The following NOL10 variants were observed in gnomAD, a reference collection of about 807,000 sequenced individuals.
NOL10 encodes H_NH0074G24.1.
A neutral mutation model predicts 103.5 loss-of-function variants in NOL10; 58 were observed. The ratio of observed to expected loss-of-function variants is 0.56; its 90% CI spans 0.45 to 0.70. The LOEUF (loss-of-function observed/expected upper bound fraction) is 0.70, where lower values mean the gene tolerates loss of function less well. NOL10 is among the 30% of genes least tolerant of loss of function. NOL10 has a pLI of 0.00. For synonymous variants in NOL10, 287 were observed against 282.5 expected, an observed-to-expected ratio of 1.02 and a Z score of -0.16; for missense variants, 763 against 807.3, an observed-to-expected ratio of 0.95 and a Z score of 0.67.
At chr2:10,645,946 C>CAT (rs765782650) in intron 12 of NOL10, among the ~76,000 whole-genome samples, 9 of 138,612 alleles carry the variant, frequency 6.5e-5, no homozygotes, top group Middle Eastern at 3.5e-3. Context: ...CACACACATA[C>CAT]ACACACACAC....
chr2:10,637,188 C>CAAAAAAAAAAAAAAAAA, intron 13 of NOL10, among the ~76,000 whole-genome samples: 1 of 44,532 alleles, frequency 2.2e-5, no homozygotes, highest in Non-Finnish European at 4.0e-5. Flanking sequence ...GACACTGTCT[C>CAAAAAAAAAAAAAAAAA]AAAAAAAAAA....
chr2:10,655,059 A>C (rs1039514158), intron 11 of NOL10, among the ~76,000 whole-genome samples: 5 of 151,968 alleles, frequency 3.3e-5, no homozygotes, highest in African/African-American at 1.2e-4. Flanking sequence ...AAAACACAAA[A>C]ATTAGCCGGG....
intron 8 of NOL10, among the ~76,000 whole-genome samples, chr2:10,666,492 C>T (rs537977046): frequency 1.9e-4 from 29 of 152,224 alleles, no homozygotes; most frequent in Admixed American, 5.9e-4. Context: ...CCACACCCGG[C>T]TAATTTTTGT....
Position 10,671,467 on chromosome 2 carries a change from T to C in NOL10, c.464+87A>G, listed in dbSNP as rs1019862924. On this transcript the variant is annotated intron_variant, in intron 6 of 20. Coordinates refer to ENST00000381685, the MANE Select transcript of NOL10 (RefSeq NM_024894.4). Reference sequence around the variant, plus strand: ...CACTTTTTTATTAAAGCAAGTTACCTAAACAGAGAAAATGTACACGAAATT... The same window carrying C: ...CACTTTTTTATTAAAGCAAGTTACCCAAACAGAGAAAATGTACACGAAATT... 26 of 1,080,572 alleles carry C rather than the reference T, an allele frequency of 2.4e-5. No individual in the cohort carries two copies. The East Asian group carries it at 2.8e-4, about 12-fold the overall frequency. The allele number at this position is 1,080,572 out of a possible 1,614,324, so 66.9% of individuals were successfully genotyped here.
At chr2:10,616,217 ATTTTTTTTTTTT>A (rs533351651) in intron 13 of NOL10, among the ~76,000 whole-genome samples, 4 of 95,614 alleles carry the variant, frequency 4.2e-5, no homozygotes, top group Admixed American at 1.1e-4. Flanking sequence ...ACCACCCTGC[ATTTTTTTTTTTT>A]TTTTTTTTTT....
chr2:10,579,647 C>G (rs1034216047), intron 19 of NOL10, among the ~76,000 whole-genome samples: 1 of 151,754 alleles, frequency 6.6e-6, no homozygotes, highest in Non-Finnish European at 1.5e-5. Flanking sequence ...CAGCAAATCC[C>G]TCAACCTGTT....
chr2:10,680,919 G>T (rs914329163), intron 3 of NOL10, among the ~76,000 whole-genome samples: 5 of 152,152 alleles, frequency 3.3e-5, no homozygotes, highest in African/African-American at 1.2e-4. Flanking sequence ...TACTGTTAAT[G>T]TAAAATCTTA....
chr2:10,608,189 T>C (rs1175474330), intron 13 of NOL10, among the ~76,000 whole-genome samples: 4 of 152,198 alleles, frequency 2.6e-5, no homozygotes, highest in African/African-American at 9.6e-5. Context: ...AAATAATTAG[T>C]TGATTTTTTA....
chr2:10,673,195 A>C (rs1325927058), intron 5 of NOL10: 1 of 204,520 alleles, frequency 4.9e-6, no homozygotes, highest in Admixed American at 5.9e-5. Flanking sequence ...GGTTAAACGT[A>C]ATAATCAGAA....
intron 3 of NOL10, among the ~76,000 whole-genome samples, chr2:10,678,948 G>C (rs1439903456): frequency 6.6e-6 from 1 of 152,172 alleles, no homozygotes; most frequent in Non-Finnish European, 1.5e-5. Context: ...GATTCCAGCT[G>C]GGTGCCGTGG....
Position 10,679,717 on chromosome 2 carries a change from A to G in NOL10, c.211+2254T>C, listed in dbSNP as rs57464659. ...CCTGGCTTACTGCAACCTCCGCCAC[A>G]TGGGTTCAAGCGATTCTCATGCCTC... On this transcript the variant is annotated intron_variant, in intron 3 of 20. Transcript: ENST00000381685. Among the ~76,000 whole-genome samples, 8 of 151,950 alleles carry G rather than the reference A, an allele frequency of 5.3e-5. No individual in the cohort carries two copies. The East Asian group carries it at 7.8e-4, about 15-fold the overall frequency.
intron 13 of NOL10, 49 bp from the exon 14 acceptor site, chr2:10,607,360 TCC>T: frequency 6.5e-7 from 1 of 1,546,294 alleles, no homozygotes; most frequent in Non-Finnish European, 8.7e-7. Flanking sequence ...TACCACGCCA[TCC>T]AAGTCTCAGT....
In NOL10 at chr2:10,636,125, T is replaced by TG. The variant is rs1395531589; in HGVS notation, c.1026+8194dup. On this transcript the variant is annotated intron_variant, in intron 13 of 20. Coordinates refer to ENST00000381685, the MANE Select transcript of NOL10 (RefSeq NM_024894.4). ...CTAGTCTCAAGCTCTTGGCCTCAAG[T>TG]GATCTACCCGCCTCGGCCTCCCAAA... is the stretch of plus-strand genomic sequence containing the variant. Among the ~76,000 whole-genome samples, 45 of 152,252 alleles carry TG rather than the reference T, an allele frequency of 3.0e-4. No homozygotes were observed. In the Middle Eastern group the frequency reaches 0.01, roughly 35 times the overall value.
At chr2:10,661,156 A>G (rs1490399055) in intron 9 of NOL10, among the ~76,000 whole-genome samples, 1 of 151,798 alleles carries the variant, frequency 6.6e-6, no homozygotes, top group East Asian at 1.9e-4. Flanking sequence ...GCTCACTGCA[A>G]CCTCCGCCTC....
chr2:10,650,543 C>G (rs544922839), intron 12 of NOL10, among the ~76,000 whole-genome samples: 2 of 152,106 alleles, frequency 1.3e-5, no homozygotes, highest in Non-Finnish European at 2.9e-5. Flanking sequence ...TAAAAGCATG[C>G]TTATTTTTAC....
intron 19 of NOL10, among the ~76,000 whole-genome samples, chr2:10,587,963 G>A (rs1675203453): frequency 6.6e-6 from 1 of 152,064 alleles, no homozygotes; most frequent in Non-Finnish European, 1.5e-5. Context: ...CACTCCTCTT[G>A]CTCCACCTCA....
chr2:10,655,774 A>C lies in NOL10; in HGVS notation c.907-1227T>G, dbSNP rs550900416. 1.1e-4 allele frequency among the ~76,000 whole-genome samples: 17 copies of C among 152,344 alleles called. No homozygotes were observed. The South Asian group carries it at 3.3e-3, about 30-fold the overall frequency. On this transcript the variant is annotated intron_variant, in intron 11 of 20. Transcript: ENST00000381685. ...ATTTCTGCCAGCTCTTGCATTTGTAACTCATTATGCAAAGTCTGACACTAG... is the reference window on the plus strand; with the variant it reads ...ATTTCTGCCAGCTCTTGCATTTGTACCTCATTATGCAAAGTCTGACACTAG...
At chr2:10,671,510 T>C (rs961236004) in intron 6 of NOL10, 44 bp downstream of exon 6, 2 of 1,415,880 alleles carry the variant, frequency 1.4e-6, no homozygotes, top group African/African-American at 1.5e-5. Context: ...AGAAGTTGGT[T>C]GTTTTAGGAG....
chr2:10,623,161 C>T (rs1677245574), intron 13 of NOL10, among the ~76,000 whole-genome samples: 1 of 152,106 alleles, frequency 6.6e-6, no homozygotes, highest in African/African-American at 2.4e-5. Flanking sequence ...TATCTGATTT[C>T]AGTCCCTTGA....
Sources: gnomAD v4.1 joint callset for allele counts (sites outside exome capture counted in the v4.1 genomes callset) on GRCh38, gnomAD v4.1.1 for gene constraint, MANE v1.5 for transcripts, NCBI Gene and HGNC (gene_info 2026-07-23, HGNC 2026-07-21) for gene names.